Variants in CTNNA2 observed in about 807,000 individuals in gnomAD.
The protein encoded by CTNNA2 is catenin alpha-2.
A neutral mutation model predicts 101.0 loss-of-function variants in CTNNA2; 42 were observed. The observed-to-expected ratio is 0.42, with a 90% confidence interval of 0.32 to 0.54. CTNNA2 has a LOEUF of 0.54. Ranked by LOEUF, CTNNA2 falls within the 20% of genes least tolerant of loss-of-function variation. The probability of loss-of-function intolerance (pLI) is 0.14; values close to 1 mark genes in which losing one functional copy is unlikely to be tolerated. For synonymous variants in CTNNA2, 450 were observed against 456.4 expected, an observed-to-expected ratio of 0.99 and a Z score of 0.18; for missense variants, 871 against 1,223.1, an observed-to-expected ratio of 0.71 and a Z score of 4.29.
At chr2:79,483,797 T>A (rs1671132399) in intron 4 of CTNNA2, among the ~76,000 whole-genome samples, 1 of 152,256 alleles carries the variant, frequency 6.6e-6, no homozygotes, top group South Asian at 2.1e-4. Flanking sequence ...ACATTTTCTT[T>A]ATCCACCTGT....
At chr2:80,076,163 A>G (rs1427380763) in intron 7 of CTNNA2, among the ~76,000 whole-genome samples, 1 of 152,190 alleles carries the variant, frequency 6.6e-6, no homozygotes, top group Non-Finnish European at 1.5e-5. Flanking sequence ...GTATTCATTG[A>G]AGGCCTCTTC....
chr2:79,360,122 A>G (rs760143036), intron 3 of CTNNA2, among the ~76,000 whole-genome samples: 111 of 152,356 alleles, frequency 7.3e-4, no homozygotes, highest in Non-Finnish European at 1.4e-3. Flanking sequence ...CCACAGTTAC[A>G]GTTCCACAAA....
At chr2:79,605,411 T>G (rs1269078069) in intron 1 of CTNNA2, among the ~76,000 whole-genome samples, 1 of 152,160 alleles carries the variant, frequency 6.6e-6, no homozygotes, top group Non-Finnish European at 1.5e-5. Flanking sequence ...ATTCTGAATT[T>G]GATGAAGACT....
At chr2:79,392,217 T>C (rs979433055) in intron 4 of CTNNA2, among the ~76,000 whole-genome samples, 1 of 152,218 alleles carries the variant, frequency 6.6e-6, no homozygotes, top group African/African-American at 2.4e-5. Flanking sequence ...CTGGTGCTTC[T>C]CACACTTCAG....
chr2:80,105,422 C>T (rs1018118858), intron 7 of CTNNA2, among the ~76,000 whole-genome samples: 22 of 152,222 alleles, frequency 1.4e-4, no homozygotes, highest in African/African-American at 5.1e-4. Flanking sequence ...CTTTACCTAT[C>T]ACTGTTAAAG....
intron 1 of CTNNA2, among the ~76,000 whole-genome samples, chr2:79,518,616 C>G (rs1671931645): frequency 6.6e-6 from 1 of 152,148 alleles, no homozygotes; most frequent in African/African-American, 2.4e-5. Context: ...ACCAGAGGAT[C>G]TGATGTTCCC....
intron 8 of CTNNA2, among the ~76,000 whole-genome samples, chr2:80,399,112 C>T (rs1176593493): frequency 6.6e-6 from 1 of 150,444 alleles, no homozygotes; most frequent in Non-Finnish European, 1.5e-5. Context: ...GAGTTTCACC[C>T]TGTTGTCCAG....
chr2:80,550,215 T>C (rs1039251181), intron 11 of CTNNA2, among the ~76,000 whole-genome samples: 2 of 152,238 alleles, frequency 1.3e-5, no homozygotes, highest in Non-Finnish European at 2.9e-5. Context: ...TGCAGTAGGA[T>C]TATGTTTAAA....
intron 7 of CTNNA2, among the ~76,000 whole-genome samples, chr2:79,946,387 T>G (rs528353019): frequency 6.6e-6 from 1 of 152,306 alleles, no homozygotes; most frequent in African/African-American, 2.4e-5. Flanking sequence ...GCTCACCATG[T>G]TAATTACACT....
intron 7 of CTNNA2, among the ~76,000 whole-genome samples, chr2:80,261,313 C>T (rs1275714966): frequency 6.6e-6 from 1 of 151,936 alleles, no homozygotes; most frequent in Non-Finnish European, 1.5e-5. Context: ...AATTTAGCTC[C>T]TAGGAATGGC....
At chr2:80,450,209 A>G (rs1196813885) in intron 9 of CTNNA2, among the ~76,000 whole-genome samples, 2 of 152,226 alleles carry the variant, frequency 1.3e-5, no homozygotes, top group Non-Finnish European at 2.9e-5. Context: ...CATTTTTCAT[A>G]ATTATAGGAG....
chr2:79,222,168 A>G (rs1278523603), intron 2 of CTNNA2, among the ~76,000 whole-genome samples: 1 of 152,210 alleles, frequency 6.6e-6, no homozygotes, highest in East Asian at 1.9e-4. Context: ...CAGGATTATA[A>G]CACAAATGCC....
At chr2:80,256,710 C>T (rs530829534) in intron 7 of CTNNA2, among the ~76,000 whole-genome samples, 13 of 152,216 alleles carry the variant, frequency 8.5e-5, no homozygotes, top group East Asian at 1.9e-4. Flanking sequence ...ATCATTGCGG[C>T]GATCTGGAAT....
intron 2 of CTNNA2, among the ~76,000 whole-genome samples, chr2:79,233,697 A>G (rs1395983256): frequency 6.6e-6 from 1 of 152,062 alleles, no homozygotes; most frequent in Non-Finnish European, 1.5e-5. Flanking sequence ...TTTATAAGTC[A>G]AGAAGACCTT....
chr2:80,429,186 T>A (rs1486833989), intron 9 of CTNNA2, among the ~76,000 whole-genome samples: 1 of 152,148 alleles, frequency 6.6e-6, no homozygotes, highest in East Asian at 1.9e-4. Context: ...TAATACACAA[T>A]AAAGCATTGC....
chr2:79,707,158 AC>A (rs1319504346), intron 2 of CTNNA2, among the ~76,000 whole-genome samples: 1 of 152,126 alleles, frequency 6.6e-6, no homozygotes, highest in African/African-American at 2.4e-5. Context: ...CTGTGCGAGG[AC>A]ACATGTGCTG....
intron 15 of CTNNA2, among the ~76,000 whole-genome samples, chr2:80,589,920 G>T (rs1232844179): frequency 6.6e-6 from 1 of 151,220 alleles, no homozygotes; most frequent in Non-Finnish European, 1.5e-5. Flanking sequence ...GCGCGCGCAT[G>T]TATACATATA....
At chr2:80,003,789 GATA>G (rs1329321863) in intron 7 of CTNNA2, among the ~76,000 whole-genome samples, 3 of 152,178 alleles carry the variant, frequency 2.0e-5, no homozygotes, top group African/African-American at 7.2e-5. Flanking sequence ...GTAAAACAGA[GATA>G]ATAATATTGA....
intron 7 of CTNNA2, among the ~76,000 whole-genome samples, chr2:79,932,828 C>T (rs1687536695): frequency 6.6e-6 from 1 of 152,108 alleles, no homozygotes; most frequent in Non-Finnish European, 1.5e-5. Context: ...GCATTTTTAC[C>T]ACCACACTTT....
Sources: allele counts gnomAD v4.1 joint callset (sites outside exome capture counted in the v4.1 genomes callset), GRCh38; gene constraint gnomAD v4.1.1; transcripts MANE v1.5; gene names NCBI Gene and HGNC (gene_info 2026-07-23, HGNC 2026-07-21).